Variants in TRIM8 observed in about 807,000 individuals in gnomAD.
The protein encoded by TRIM8 is tripartite motif containing 8.
Under a neutral mutation model 55.7 loss-of-function variants are expected in TRIM8, and 9 were observed. The ratio of observed to expected loss-of-function variants is 0.16; its 90% confidence interval spans 0.10 to 0.28. The LOEUF (loss-of-function observed/expected upper bound fraction) is 0.28. Among genes scored for constraint, TRIM8 ranks in the 10% least tolerant of loss-of-function variants. The probability of loss-of-function intolerance (pLI) is 1.00; values close to 1 mark genes in which losing one functional copy is unlikely to be tolerated. For synonymous variants in TRIM8, 335 were observed against 333.3 expected, an observed-to-expected ratio of 1.01 and a Z score of -0.06; for missense variants, 556 against 736.4, an observed-to-expected ratio of 0.76 and a Z score of 2.83.
At position 102,650,902 on chromosome 10, in the gene TRIM8, G is replaced by A. The variant is rs559008303; in HGVS notation, c.571-3751G>A. Among the ~76,000 whole-genome samples, 6 of 152,154 alleles carry A rather than the reference G, an allele frequency of 3.9e-5. 1 individual carries two copies. Among genetic ancestry groups the A allele is most frequent in the South Asian group, 4.1e-4 (2 of 4,836 alleles). On this transcript the variant is annotated intron_variant, in intron 1 of 5. Coordinates refer to ENST00000643721, the MANE Select transcript of TRIM8 (RefSeq NM_030912.3). ...TCTTGGCAACCTGATTTGCTCATTC[G>A]GTGAACTGGGGTGGGGTCGTGAAGG... is the stretch of plus-strand genomic sequence containing the variant.
At chr10:102,655,338 G>A in intron 3 of TRIM8, 25 bp downstream of exon 3, 1 of 1,513,798 alleles carries the variant, frequency 6.6e-7, no homozygotes, top group South Asian at 1.1e-5. Context: ...GGACCAGGCT[G>A]GTGGCACCCA....
intron 1 of TRIM8, among the ~76,000 whole-genome samples, chr10:102,648,750 CA>C (rs1293320391): frequency 2.6e-5 from 4 of 152,296 alleles, no homozygotes; most frequent in African/African-American, 9.6e-5. Flanking sequence ...CCTCTCCCTA[CA>C]GCAGACCATA....
At chr10:102,653,136 C>T (rs1030502745) in intron 1 of TRIM8, among the ~76,000 whole-genome samples, 1 of 152,144 alleles carries the variant, frequency 6.6e-6, no homozygotes, top group African/African-American at 2.4e-5. Context: ...TTTAAATAGC[C>T]ACATATGACT....
In TRIM8 at chr10:102,655,219, C is replaced by T. The variant is rs2064013981; in HGVS notation, c.806C>T (p.Ala269Val). Reference protein sequence around the residue: ...AKFCSENAAQALHLGERMQEA... With the variant: ...AKFCSENAAQVLHLGERMQEA... ...TTCTGCAGCGAGAACGCAGCGCAGG[C>T]GCTGCACCTCGGGGAGCGCATGCAG... The change falls in exon 3 of 6, where the codon GCG (alanine) becomes GTG (valine). Residue 269 changes from alanine (A) to valine (V), a missense_variant. Coordinates refer to ENST00000643721, the MANE Select transcript of TRIM8 (RefSeq NM_030912.3). The T allele has an allele frequency of 7.5e-6, 12 of 1,606,182 alleles. No individual in the cohort carries two copies. Among genetic ancestry groups the T allele is most frequent in the Middle Eastern group, 1.7e-4 (1 of 6,012 alleles).
intron 1 of TRIM8, among the ~76,000 whole-genome samples, chr10:102,646,315 C>T (rs556538471): frequency 1.3e-5 from 2 of 152,044 alleles, no homozygotes; most frequent in East Asian, 3.9e-4. Context: ...GGTGTGATAT[C>T]TGGGGGCTAG....
intron 1 of TRIM8, among the ~76,000 whole-genome samples, chr10:102,651,428 G>A (rs774549496): frequency 9.2e-5 from 14 of 152,194 alleles, no homozygotes; most frequent in Non-Finnish European, 1.8e-4. Flanking sequence ...TGGGGCAAAG[G>A]GGCACCCACC....
At chr10:102,653,549 A>G (rs1211161311) in intron 1 of TRIM8, 1 of 152,890 alleles carries the variant, frequency 6.5e-6, no homozygotes, top group Non-Finnish European at 1.5e-5. Context: ...AGATGGAGTG[A>G]CTGGCAGGAA....
At chr10:102,654,040 C>G (rs1276379986) in intron 1 of TRIM8, 1 of 152,428 alleles carries the variant, frequency 6.6e-6, no homozygotes, top group Non-Finnish European at 1.5e-5. Context: ...AATGATAGTA[C>G]TTATCTCATG....
chr10:102,655,851 C>T (rs1045704612), intron 3 of TRIM8, among the ~76,000 whole-genome samples: 1 of 152,200 alleles, frequency 6.6e-6, no homozygotes, highest in Non-Finnish European at 1.5e-5. Flanking sequence ...CTGCAGAGCC[C>T]TTCTCCTCGG....
intron 1 of TRIM8, among the ~76,000 whole-genome samples, chr10:102,650,993 A>G (rs1023262178): frequency 1.3e-5 from 2 of 152,080 alleles, no homozygotes; most frequent in Non-Finnish European, 1.5e-5. Flanking sequence ...AGCAGCTCCC[A>G]CTGTTCTCCC....
chr10:102,657,356 GCCA>G lies in TRIM8; in HGVS notation c.*4_*6del. On this transcript the variant is annotated 3_prime_UTR_variant, in exon 6 of 6. Coordinates refer to ENST00000643721, the MANE Select transcript of TRIM8 (RefSeq NM_030912.3). ...ACCAAACACTACGTGACGAGCTAACGCCACGCAGGCGGCGGGGCGCTGGGGAAT... is the reference window on the plus strand; with the variant it reads ...ACCAAACACTACGTGACGAGCTAACGCGCAGGCGGCGGGGCGCTGGGGAAT... 1 of 1,554,448 alleles carries G rather than the reference GCCA, an allele frequency of 6.4e-7. No individual in the cohort carries two copies. The highest frequency in any genetic ancestry group is 8.7e-7 in the Non-Finnish European group (1 of 1,146,502).
chr10:102,655,493 G>A (rs527256306), intron 3 of TRIM8, among the ~76,000 whole-genome samples, 180 bp downstream of exon 3: 4 of 152,286 alleles, frequency 2.6e-5, no homozygotes, highest in East Asian at 1.9e-4. Flanking sequence ...GGTACATCCC[G>A]GGCCTTGTTC....
chr10:102,655,242 C>G lies in TRIM8; in HGVS notation c.829C>G (p.Gln277Glu). ...AQALHLGERM[Q>E]EAKKLLGSLQ... Reference sequence around the variant, plus strand: ...GGCGCTGCACCTCGGGGAGCGCATGCAGGAGGCCAAGAAGCTGCTGGGCTC... The same window carrying G: ...GGCGCTGCACCTCGGGGAGCGCATGGAGGAGGCCAAGAAGCTGCTGGGCTC... The change falls in exon 3 of 6, where the codon CAG becomes GAG. Residue 277 changes from glutamine to glutamate, a missense_variant. By Grantham distance (29) the Gln-to-Glu change is conservative (BLOSUM62 2). This residue lies in a region of TRIM8 where 391 missense variants were observed against 441.0 expected (regional missense o/e 0.89). Coordinates refer to ENST00000643721, the MANE Select transcript of TRIM8 (RefSeq NM_030912.3). 6.2e-7 allele frequency: 1 copy of G among 1,601,490 alleles called. No individual in the cohort carries two copies. The highest frequency in any genetic ancestry group is 8.5e-7 in the Non-Finnish European group (1 of 1,176,756).
At position 102,656,679 on chromosome 10, in the gene TRIM8, C is replaced by T. The variant is rs1330421643; in HGVS notation, c.1049-68C>T. 5 of 1,505,924 alleles carry T rather than the reference C, an allele frequency of 3.3e-6. No individual in the cohort carries two copies. Among genetic ancestry groups the T allele is most frequent in the Non-Finnish European group, 4.4e-6 (5 of 1,129,480 alleles). 93.3% of individuals were successfully genotyped at this position (1,505,924 alleles called of 1,614,324 possible). ...AGGTGTCAATGGTCCCCAGGTCCAACCCAGGGAGAGGAGGCCTGGGTTGCT... is the reference window on the plus strand; with the variant it reads ...AGGTGTCAATGGTCCCCAGGTCCAATCCAGGGAGAGGAGGCCTGGGTTGCT... On this transcript the variant is annotated intron_variant, in intron 5 of 5. Transcript: ENST00000643721. The surrounding 1 kb of genome is among the most constrained non-coding windows in gnomAD (Gnocchi z 4.6).
rs927521842 is a variant in TRIM8, at chr10:102,655,015, AG to A, written c.667-58del. 34 of 1,559,984 alleles carry A rather than the reference AG, an allele frequency of 2.2e-5. No homozygotes were observed. The African/African-American group carries it at 2.4e-4, about 11-fold the overall frequency. On this transcript the variant is annotated intron_variant, in intron 2 of 5. Coordinates refer to ENST00000643721, the MANE Select transcript of TRIM8 (RefSeq NM_030912.3). Reference sequence around the variant, plus strand: ...GGTTCTAGGATGTGAGAAGGGTAAGAGGGGGGGAAACCAAAGGTTTCCAGTG... The same window carrying A: ...GGTTCTAGGATGTGAGAAGGGTAAGAGGGGGGAAACCAAAGGTTTCCAGTG...
rs1052140633 is a variant in TRIM8, at chr10:102,645,538, G to C, written c.570+351G>C. Reference sequence around the variant, plus strand: ...GGCCCTACGGGAAGTCACCGAGGCAGTGACCCCGGTCCTGCCTCTCCAGCT... The same window carrying C: ...GGCCCTACGGGAAGTCACCGAGGCACTGACCCCGGTCCTGCCTCTCCAGCT... On this transcript the variant is annotated intron_variant, in intron 1 of 5. Coordinates refer to ENST00000643721, the MANE Select transcript of TRIM8 (RefSeq NM_030912.3). 1.4e-5 allele frequency: 3 copies of C among 213,414 alleles called. No individual in the cohort carries two copies. In the East Asian group the frequency reaches 3.4e-4, roughly 24 times the overall value. 13.2% of individuals were successfully genotyped at this position (213,414 alleles called of 1,614,324 possible).
At chr10:102,649,873 G>A (rs1450146658) in intron 1 of TRIM8, among the ~76,000 whole-genome samples, 3 of 152,104 alleles carry the variant, frequency 2.0e-5, no homozygotes, top group Admixed American at 6.6e-5. Context: ...TGCTATGAGC[G>A]CAGAGACCCA....
In TRIM8 at chr10:102,652,051, C is replaced by G. The variant is rs573595286; in HGVS notation, c.571-2602C>G. ...CTGACCCTTGGGCTGGCAGCAGATT[C>G]CTGTGCCTCTTGGTGCTTCTGGGGG... On this transcript the variant is annotated intron_variant, in intron 1 of 5. Transcript: ENST00000643721. Among the ~76,000 whole-genome samples the G allele has an allele frequency of 4.6e-5, 7 of 152,286 alleles. No individual in the cohort carries two copies. The East Asian group carries it at 5.8e-4, about 13-fold the overall frequency.
chr10:102,648,883 G>A (rs1044509501), intron 1 of TRIM8, among the ~76,000 whole-genome samples: 6 of 152,162 alleles, frequency 3.9e-5, no homozygotes, highest in Non-Finnish European at 7.3e-5. Flanking sequence ...GGCTTTCTCC[G>A]TTGCCCGTGA....
Sources: gnomAD v4.1 joint callset for allele counts (sites outside exome capture counted in the v4.1 genomes callset) on GRCh38, gnomAD v4.1.1 for gene constraint, gnomAD v4.1.1 regional missense constraint, Gnocchi (gnomAD v3.1) non-coding constraint, MANE v1.5 for transcripts, NCBI Gene and HGNC (gene_info 2026-07-23, HGNC 2026-07-21) for gene names.